ATF2: variants seen among roughly 807,000 people sequenced by gnomAD.
ATF2 encodes cyclic AMP-dependent transcription factor ATF-2.
In ATF2, 24 loss-of-function variants were observed where a neutral mutation model predicts 60.6. The observed-to-expected ratio is 0.40, with a 90% CI of 0.29 to 0.56. ATF2 has a LOEUF of 0.56. Among genes scored for constraint, ATF2 ranks in the 20% least tolerant of loss-of-function variants. The pLI, the probability that ATF2 is intolerant of heterozygous loss-of-function variation, is 0.54. For synonymous variants in ATF2, 206 were observed against 215.4 expected (o/e 0.96, Z 0.38); for missense variants, 433 against 607.7 (o/e 0.71, Z 3.02).
At chr2:175,084,418 C>T (rs982597276) in intron 12 of ATF2, among the ~76,000 whole-genome samples, 32 of 145,362 alleles carry the variant, frequency 2.2e-4, no homozygotes, top group Non-Finnish European at 4.0e-4. Flanking sequence ...ACCACATGTT[C>T]TCACTCATAG....
intron 4 of ATF2, among the ~76,000 whole-genome samples, chr2:175,125,075 TA>T (rs1402926055): frequency 1.3e-5 from 2 of 152,088 alleles, no homozygotes; most frequent in African/African-American, 4.8e-5. Flanking sequence ...TTTTAAATTG[TA>T]AAAATCTATT....
At position 175,157,997 on chromosome 2, in the gene ATF2, A is replaced by AG. The variant is rs200876683; in HGVS notation, c.-142-6840_-142-6839insC. Among the ~76,000 whole-genome samples, 1,486 of 152,148 alleles carry AG rather than the reference A, an allele frequency of 9.8e-3. 11 individuals carry two copies. Among genetic ancestry groups the AG allele is most frequent in the Non-Finnish European group, 0.015 (1,035 of 67,968 alleles). On this transcript the variant is annotated intron_variant, in intron 1 of 13. Coordinates refer to ENST00000264110, the MANE Select transcript of ATF2 (RefSeq NM_001880.4). ...ACAGAGTGAGACTCTGTCTCAAAAA[A>AG]AAAAAAACACCAATATCTGTCATCA... is the stretch of plus-strand genomic sequence containing the variant.
At chr2:175,108,432 C>A (rs1259345574) in intron 10 of ATF2, among the ~76,000 whole-genome samples, 6 of 150,818 alleles carry the variant, frequency 4.0e-5, no homozygotes, top group Non-Finnish European at 1.5e-5. Flanking sequence ...TCAGCCCCCG[C>A]CCGGCCAGCA....
chr2:175,111,535 A>G (rs1164671711), intron 10 of ATF2, 33 bp downstream of exon 10: 2 of 1,552,144 alleles, frequency 1.3e-6, no homozygotes, highest in Non-Finnish European at 1.8e-6. Flanking sequence ...AACAGCCTCA[A>G]GCAATGTACA....
Position 175,074,383 on chromosome 2 carries a change from C to A in ATF2, c.*226G>T. The A allele has an allele frequency of 2.9e-6, 1 of 342,966 alleles. No homozygotes were observed. Among genetic ancestry groups the A allele is most frequent in the Non-Finnish European group, 5.2e-6 (1 of 192,162 alleles). The allele number at this position is 342,966 out of a possible 1,614,324, so 21.2% of individuals were successfully genotyped here. On this transcript the variant is annotated 3_prime_UTR_variant, in exon 14 of 14. Transcript: ENST00000264110. ...ATTGAGCACAGAAAAATTAATAAAT[C>A]TAATAATATTTATAAAAAAAGCAAA...
At chr2:175,148,192 G>C (rs1699080374) in intron 2 of ATF2, among the ~76,000 whole-genome samples, 1 of 152,082 alleles carries the variant, frequency 6.6e-6, no homozygotes, top group African/African-American at 2.4e-5. Flanking sequence ...TTGGATCCGA[G>C]AGTCTCCAGT....
At chr2:175,076,600 A>C (rs1693316342) in intron 13 of ATF2, among the ~76,000 whole-genome samples, 1 of 152,094 alleles carries the variant, frequency 6.6e-6, no homozygotes, top group Non-Finnish European at 1.5e-5. Context: ...AATGAATGTT[A>C]TAAAATATTT....
chr2:175,075,105 A>C, intron 13 of ATF2: 1 of 1,247,032 alleles, frequency 8.0e-7, no homozygotes, highest in Non-Finnish European at 1.0e-6. Flanking sequence ...GTGTTAAAGA[A>C]AGAAAATGAG....
chr2:175,156,162 G>A (rs2105343648), intron 1 of ATF2, among the ~76,000 whole-genome samples: 2 of 152,152 alleles, frequency 1.3e-5, no homozygotes, highest in South Asian at 4.1e-4. Context: ...CCTGAGGTCA[G>A]GAGTTCGAGA....
rs562741431 is a variant in ATF2 at position 175,117,632 on chromosome 2, T to TA, written c.447+357dup. Among the ~76,000 whole-genome samples, 45 of 152,114 alleles carry TA rather than the reference T, an allele frequency of 3.0e-4. No homozygotes were observed. The East Asian group carries it at 6.0e-3, about 20-fold the overall frequency. ...CTAGTCCCTTAATCCTGTAAAAGTC[T>TA]AAAAAACCACTGTTCAAATAATTTT... On this transcript the variant is annotated intron_variant, in intron 7 of 13. Coordinates refer to ENST00000264110, the MANE Select transcript of ATF2 (RefSeq NM_001880.4).
chr2:175,161,221 C>A (rs1351171609), intron 1 of ATF2, among the ~76,000 whole-genome samples: 5 of 152,186 alleles, frequency 3.3e-5, no homozygotes, highest in Non-Finnish European at 7.4e-5. Context: ...GTGGCATGTT[C>A]CTCCACAAAT....
chr2:175,093,000 A>C, intron 12 of ATF2, 61 bp downstream of exon 12: 1 of 1,565,580 alleles, frequency 6.4e-7, no homozygotes, highest in Non-Finnish European at 8.6e-7. Flanking sequence ...AGGAAAAAAA[A>C]AATCTATGTT....
chr2:175,087,285 A>G (rs1399225991), intron 12 of ATF2, among the ~76,000 whole-genome samples: 1 of 152,194 alleles, frequency 6.6e-6, no homozygotes. Flanking sequence ...TTCAAATGTG[A>G]GAAATCATCA....
Position 175,110,926 on chromosome 2 carries a change from G to C in ATF2, c.828+642C>G, listed in dbSNP as rs115142108. ...CCGGCCCTGATTTTCTTTAAAAATA[G>C]AATCGTCAGATCTTCTACTAAGAAA... On this transcript the variant is annotated intron_variant, in intron 10 of 13. Coordinates refer to ENST00000264110, the MANE Select transcript of ATF2 (RefSeq NM_001880.4). 5.1e-3 allele frequency among the ~76,000 whole-genome samples: 772 copies of C among 152,198 alleles called. 4 individuals are homozygous for C. Among genetic ancestry groups the C allele is most frequent in the African/African-American group, 0.017 (725 of 41,526 alleles).
Position 175,136,470 on chromosome 2 carries a change from T to C in ATF2, c.-27A>G. 1 of 1,601,658 alleles carries C rather than the reference T, an allele frequency of 6.2e-7. No homozygotes were observed. On this transcript the variant is annotated 5_prime_UTR_variant, in exon 3 of 14. Coordinates refer to ENST00000264110, the MANE Select transcript of ATF2 (RefSeq NM_001880.4). ...AGTTGAATAACTTATCACATTCTTT[T>C]TCTCATGGCAAGAATACTGAAAAAC...
rs144601723 is a variant in ATF2 at position 175,117,809 on chromosome 2, T to A, written c.447+181A>T. On this transcript the variant is annotated intron_variant, in intron 7 of 13. Transcript: ENST00000264110. ...ACTGTTCTCCCCTATAATTTTTCTATGTACAATAAAAGCTGCAGTCTTCTT... is the reference window on the plus strand; with the variant it reads ...ACTGTTCTCCCCTATAATTTTTCTAAGTACAATAAAAGCTGCAGTCTTCTT... 2.6e-3 allele frequency among the ~76,000 whole-genome samples: 391 copies of A among 152,138 alleles called. 1 individual carries two copies. Among genetic ancestry groups the A allele is most frequent in the African/African-American group, 8.8e-3 (367 of 41,568 alleles).
chr2:175,126,370 A>T (rs527719121), intron 4 of ATF2, among the ~76,000 whole-genome samples: 3 of 152,194 alleles, frequency 2.0e-5, no homozygotes, highest in Non-Finnish European at 4.4e-5. Context: ...AAACTAAGCA[A>T]ATATGGGAAT....
intron 10 of ATF2, among the ~76,000 whole-genome samples, chr2:175,107,734 T>C (rs1695784525): frequency 6.6e-6 from 1 of 152,126 alleles, no homozygotes; most frequent in South Asian, 2.1e-4. Context: ...CCTGACTGGT[T>C]TTCGTATTTT....
chr2:175,115,294 G>T (rs1311880467), intron 7 of ATF2, among the ~76,000 whole-genome samples: 2 of 152,132 alleles, frequency 1.3e-5, no homozygotes, highest in African/African-American at 4.8e-5. Flanking sequence ...CTGTGTTATG[G>T]CTGATACAAT....
Sources: allele counts gnomAD v4.1 joint callset (sites outside exome capture counted in the v4.1 genomes callset), GRCh38; gene constraint gnomAD v4.1.1; transcripts MANE v1.5; gene names NCBI Gene and HGNC (gene_info 2026-07-23, HGNC 2026-07-21).